The following SYNPR variants were observed in gnomAD, a reference collection of about 807,000 sequenced individuals.
SYNPR encodes the protein synaptoporin.
In SYNPR, 23 loss-of-function variants were observed where a neutral mutation model predicts 32.9. That is an observed-to-expected ratio of 0.70 (90% CI 0.50 to 0.99). The LOEUF (loss-of-function observed/expected upper bound fraction) is 0.99. SYNPR is among the 50% of genes least tolerant of loss of function. The pLI is 0.00. For missense variants in SYNPR, 318 were observed against 349.3 expected, an observed-to-expected ratio of 0.91 and a Z score of 0.71; for synonymous variants, 146 against 135.9, an observed-to-expected ratio of 1.07 and a Z score of -0.52.
intron 2 of SYNPR, among the ~76,000 whole-genome samples, 175 bp from the exon 3 acceptor site, chr3:63,480,657 T>C (rs1451308): frequency 0.6 from 91,394 of 151,992 alleles, 27,678 homozygotes; most frequent in African/African-American, 0.66. Flanking sequence ...TTAGACACCA[T>C]GTCCCCAGTC....
At chr3:63,584,814 A>C (rs1425324263) in intron 4 of SYNPR, among the ~76,000 whole-genome samples, 1 of 152,090 alleles carries the variant, frequency 6.6e-6, no homozygotes, top group African/African-American at 2.4e-5. Context: ...TGGATTCTGG[A>C]GTAGACTGGG....
chr3:63,615,303 G>C lies in SYNPR; in HGVS notation c.680G>C (p.Gly227Ala). Reference sequence around the variant, plus strand: ...AAGGAGACCGGCTGGCATTCTTCGGGACAGAGATATCTTTCAGATCCAATG... The same window carrying C: ...AAGGAGACCGGCTGGCATTCTTCGGCACAGAGATATCTTTCAGATCCAATG... ...VFKETGWHSS[G>A]QRYLSDPMEK... The change falls in exon 6 of 6, where the codon GGA (glycine) becomes GCA (alanine). Residue 227 changes from glycine (G) to alanine (A), a missense_variant. By Grantham distance (60) the Gly-to-Ala change is moderately conservative. Transcript: ENST00000478300. 6.2e-7 allele frequency: 1 copy of C among 1,613,816 alleles called. No homozygotes were observed. Among genetic ancestry groups the C allele is most frequent in the Non-Finnish European group, 8.5e-7 (1 of 1,179,828 alleles).
upstream of SYNPR, among the ~76,000 whole-genome samples, chr3:63,226,781 T>C (rs945650636): frequency 1.3e-5 from 2 of 152,082 alleles, no homozygotes; most frequent in Non-Finnish European, 2.9e-5. Context: ...AAATAAGCTC[T>C]AAAGTTCAAT....
the SYNPR span, among the ~76,000 whole-genome samples, chr3:63,201,770 A>G: frequency 6.6e-6 from 1 of 152,190 alleles, no homozygotes; most frequent in African/African-American, 2.4e-5. Context: ...TAAATACATG[A>G]AAGTGTCAAG....
chr3:63,353,003 C>T (rs1346478968), intron 2 of SYNPR, among the ~76,000 whole-genome samples: 1 of 152,166 alleles, frequency 6.6e-6, no homozygotes, highest in African/African-American at 2.4e-5. Context: ...AACCATATCA[C>T]TTTGTCTTTT....
rs751219176 is a variant in SYNPR, at chr3:63,278,733, C to A, written c.75C>A (p.Ala25=). ...VLKEPLAFLR[A]LELLFAIFAF... Reference sequence around the variant, plus strand: ...AGGAGCCCCTTGCCTTCCTGCGAGCCCTGGAATTGGTGAGTAGCAGTGTGT... The same window carrying A: ...AGGAGCCCCTTGCCTTCCTGCGAGCACTGGAATTGGTGAGTAGCAGTGTGT... Residue 25 remains alanine (A), a synonymous_variant, in exon 2 of 6, where the codon GCC becomes GCA. Coordinates refer to ENST00000478300, the MANE Select transcript of SYNPR (RefSeq NM_001130003.2). 2 of 1,551,532 alleles carry A rather than the reference C, an allele frequency of 1.3e-6. No homozygotes were observed. The highest frequency in any genetic ancestry group is 1.7e-6 in the Non-Finnish European group (2 of 1,146,992).
chr3:63,453,180 T>C (rs1024820140), intron 2 of SYNPR, among the ~76,000 whole-genome samples: 1 of 152,158 alleles, frequency 6.6e-6, no homozygotes, highest in African/African-American at 2.4e-5. Flanking sequence ...GTTAAAAGAA[T>C]AGGCTTCCAG....
rs1329798070 is a variant in SYNPR, at chr3:63,463,481, G to A, written c.85-17351G>A. On this transcript the variant is annotated intron_variant, in intron 2 of 5. Coordinates refer to ENST00000478300, the MANE Select transcript of SYNPR (RefSeq NM_001130003.2). ...GCCCCAAAAGTAGCTGTGAATGAAT[G>A]TGAGGGATAGGTTTTCAAAGGAGGC... Among the ~76,000 whole-genome samples, 3 of 152,252 alleles carry A rather than the reference G, an allele frequency of 2.0e-5. No homozygotes were observed. The East Asian group carries it at 5.8e-4, about 29-fold the overall frequency.
At chr3:63,400,064 C>T (rs2088270745) in intron 2 of SYNPR, among the ~76,000 whole-genome samples, 1 of 152,148 alleles carries the variant, frequency 6.6e-6, no homozygotes, top group African/African-American at 2.4e-5. Context: ...CAAGCTCAAC[C>T]AGGGTTAACA....
intron 2 of SYNPR, among the ~76,000 whole-genome samples, chr3:63,415,728 C>A (rs986306181): frequency 1.3e-5 from 2 of 152,232 alleles, no homozygotes; most frequent in Admixed American, 1.3e-4. Context: ...ATAATTAAGT[C>A]TGTGTTCTGC....
chr3:63,254,453 C>T (rs548687910), intron 2 of SYNPR, among the ~76,000 whole-genome samples: 2 of 152,078 alleles, frequency 1.3e-5, no homozygotes, highest in Non-Finnish European at 2.9e-5. Context: ...GAGAAAATAA[C>T]AGACTACATC....
chr3:63,460,895 T>G (rs934371747), intron 2 of SYNPR, among the ~76,000 whole-genome samples: 2 of 151,956 alleles, frequency 1.3e-5, no homozygotes, highest in African/African-American at 4.8e-5. Context: ...TCTGGGCAAA[T>G]GATGATAGTG....
intron 2 of SYNPR, among the ~76,000 whole-genome samples, chr3:63,442,232 A>T: frequency 6.8e-6 from 1 of 147,144 alleles, no homozygotes; most frequent in Admixed American, 6.8e-5. Context: ...ATACAAAGAG[A>T]CAGAGATAGG....
chr3:63,543,099 T>C (rs943619377), intron 3 of SYNPR, among the ~76,000 whole-genome samples: 5 of 152,154 alleles, frequency 3.3e-5, no homozygotes, highest in Admixed American at 1.3e-4. Flanking sequence ...GCACATTCCA[T>C]GAACTGTCAG....
At chr3:63,302,711 T>C (rs551032155) in intron 2 of SYNPR, among the ~76,000 whole-genome samples, 6 of 152,174 alleles carry the variant, frequency 3.9e-5, no homozygotes, top group Admixed American at 3.3e-4. Context: ...TCTTTAAATG[T>C]TTGTTTCTCT....
At chr3:63,567,819 C>T (rs950430050) in intron 4 of SYNPR, among the ~76,000 whole-genome samples, 6 of 152,168 alleles carry the variant, frequency 3.9e-5, no homozygotes, top group African/African-American at 1.4e-4. Flanking sequence ...AAGGAGTGAT[C>T]GCACCTTTGT....
At chr3:63,507,120 C>A (rs35363187) in intron 3 of SYNPR, among the ~76,000 whole-genome samples, 2 of 151,280 alleles carry the variant, frequency 1.3e-5, no homozygotes, top group Non-Finnish European at 2.9e-5. Flanking sequence ...GCACTCCAGC[C>A]TGGGTGACAG....
intron 4 of SYNPR, 97 bp from the exon 5 acceptor site, chr3:63,609,028 T>G (rs1050675975): frequency 7.7e-7 from 1 of 1,304,092 alleles, no homozygotes. Flanking sequence ...TCTTAAAATT[T>G]TCCAAAAGGC....
chr3:63,208,805 T>C, the SYNPR span, among the ~76,000 whole-genome samples: 2 of 152,184 alleles, frequency 1.3e-5, no homozygotes, highest in Non-Finnish European at 2.9e-5. Flanking sequence ...CGGCACAAGA[T>C]TGGCATAGCC....
Sources: allele counts gnomAD v4.1 joint callset (sites outside exome capture counted in the v4.1 genomes callset), GRCh38; gene constraint gnomAD v4.1.1; transcripts MANE v1.5; gene names NCBI Gene and HGNC (gene_info 2026-07-23, HGNC 2026-07-21).